The following EVI5 variants were observed in gnomAD, a reference collection of about 807,000 sequenced individuals.
EVI5 encodes ecotropic viral integration site 5 protein homolog.
A neutral mutation model predicts 112.0 loss-of-function variants in EVI5; 73 were observed. That is an observed-to-expected ratio of 0.65 (90% CI 0.54 to 0.79). The LOEUF (loss-of-function observed/expected upper bound fraction) is 0.79, where lower values mean the gene tolerates loss of function less well. EVI5 is among the 30% of genes least tolerant of loss of function. The probability of loss-of-function intolerance (pLI) is 0.00; values close to 1 mark genes in which losing one functional copy is unlikely to be tolerated. For synonymous variants in EVI5, 305 were observed against 319.9 expected, an observed-to-expected ratio of 0.95 and a Z score of 0.50; for missense variants, 900 against 968.8, an observed-to-expected ratio of 0.93 and a Z score of 0.94.
At chr1:92,592,212 CGGCCTAGGTGACAG>C (rs1674075123) in intron 18 of EVI5, among the ~76,000 whole-genome samples, 1 of 152,156 alleles carries the variant, frequency 6.6e-6, no homozygotes, top group Non-Finnish European at 1.5e-5. Flanking sequence ...CACTGCACTC[CGGCCTAGGTGACAG>C]AGCGAGACTC....
At chr1:92,589,234 C>T (rs1049653156) in intron 18 of EVI5, among the ~76,000 whole-genome samples, 3 of 152,128 alleles carry the variant, frequency 2.0e-5, no homozygotes, top group Non-Finnish European at 4.4e-5. Context: ...TGAGGTACTG[C>T]GTTCATCTCA....
intron 1 of EVI5, among the ~76,000 whole-genome samples, chr1:92,775,846 C>T (rs1176460743): frequency 2.6e-5 from 4 of 152,158 alleles, no homozygotes; most frequent in Admixed American, 1.3e-4. Flanking sequence ...CGGTGGCTCA[C>T]GCCTGTAATC....
In EVI5 at chr1:92,552,987, A is replaced by T. The variant is rs533381786; in HGVS notation, c.2166+10655T>A. Among the ~76,000 whole-genome samples the T allele has an allele frequency of 4.8e-3, 713 of 148,774 alleles. 4 individuals are homozygous for T. The highest frequency in any genetic ancestry group is 0.015 in the South Asian group (69 of 4,708). ...CACATGTTTTCATTAACAAGTTAAA[A>T]TTTTTTTTTTTACCCATTGCAGGAA... On this transcript the variant is annotated intron_variant, in intron 19 of 19. Coordinates refer to ENST00000684568, the MANE Select transcript of EVI5 (RefSeq NM_001350197.2).
chr1:92,605,407 T>C lies in EVI5; in HGVS notation c.1975-5A>G. 6.3e-7 allele frequency: 1 copy of C among 1,597,770 alleles called. No homozygotes were observed. The highest frequency in any genetic ancestry group is 8.6e-7 in the Non-Finnish European group (1 of 1,165,974). ...AGCCATCACTTCTTCCTTATTCTAG[T>C]GTGGTAAACCAAACCGAAACAAAAT... On this transcript the variant is annotated splice_region_variant and splice_polypyrimidine_tract_variant and intron_variant, in intron 17 of 19. Transcript: ENST00000684568.
chr1:92,743,428 C>A (rs1045297775), intron 1 of EVI5, among the ~76,000 whole-genome samples: 1 of 151,842 alleles, frequency 6.6e-6, no homozygotes, highest in African/African-American at 2.4e-5. Context: ...GTGAAAAAAG[C>A]CAGCCATAAA....
intron 18 of EVI5, among the ~76,000 whole-genome samples, chr1:92,603,463 A>C (rs1649627243): frequency 6.6e-6 from 1 of 152,214 alleles, no homozygotes; most frequent in Non-Finnish European, 1.5e-5. Flanking sequence ...TCAATGAATG[A>C]ACAGATAAAA....
chr1:92,604,075 C>T (rs943637118), intron 18 of EVI5, among the ~76,000 whole-genome samples: 1 of 151,828 alleles, frequency 6.6e-6, no homozygotes, highest in Non-Finnish European at 1.5e-5. Context: ...TAAGGCTGGG[C>T]GCAGTGGCTC....
At chr1:92,661,468 G>C (rs987690405) in intron 13 of EVI5, among the ~76,000 whole-genome samples, 3 of 151,976 alleles carry the variant, frequency 2.0e-5, no homozygotes, top group Non-Finnish European at 4.4e-5. Context: ...TATGACTGTA[G>C]CTTATGCTAA....
intron 9 of EVI5, among the ~76,000 whole-genome samples, chr1:92,683,499 G>A (rs546469850): frequency 7.2e-5 from 11 of 152,180 alleles, no homozygotes; most frequent in African/African-American, 1.9e-4. Context: ...GCACCTCTTC[G>A]CCTCCAAAGG....
chr1:92,565,873 G>A (rs1480234987), intron 18 of EVI5, among the ~76,000 whole-genome samples: 3 of 140,838 alleles, frequency 2.1e-5, no homozygotes, highest in Non-Finnish European at 3.0e-5. Flanking sequence ...AGGAGGCTGA[G>A]GCAGGAGAAT....
At chr1:92,550,785 T>A (rs1371001906) in intron 19 of EVI5, among the ~76,000 whole-genome samples, 99 of 54,960 alleles carry the variant, frequency 1.8e-3, no homozygotes, top group Non-Finnish European at 2.2e-3. Flanking sequence ...AAAAAAAATA[T>A]ATATATATAT....
intron 4 of EVI5, among the ~76,000 whole-genome samples, chr1:92,702,999 C>G (rs974817054): frequency 2.6e-5 from 4 of 152,046 alleles, no homozygotes; most frequent in Non-Finnish European, 5.9e-5. Flanking sequence ...GTACACCTTT[C>G]AAGGGCTAAG....
intron 18 of EVI5, among the ~76,000 whole-genome samples, chr1:92,575,194 A>G (rs1170566624): frequency 6.6e-6 from 1 of 152,218 alleles, no homozygotes; most frequent in Non-Finnish European, 1.5e-5. Flanking sequence ...CTTCAGCTAT[A>G]TTCACCAATT....
chr1:92,607,591 A>G lies in EVI5; in HGVS notation c.1964T>C (p.Ile655Thr). The G allele has an allele frequency of 6.3e-7, 1 of 1,578,160 alleles. No homozygotes were observed. Residue 655 changes from isoleucine (I) to threonine (T), a missense_variant, in exon 17 of 20, where the codon ATT becomes ACT. Transcript: ENST00000684568. ...AGTTGACATATTTACCTTGCATTCA[A>G]TCTCTGCTTGTTTACGCTTTGCTTC... ...LSEAKRKQAE[I>T]ECKNKEEVMA...
At chr1:92,606,924 C>CACACACACACACACA (rs1557886813) in intron 17 of EVI5, among the ~76,000 whole-genome samples, 3 of 91,402 alleles carry the variant, frequency 3.3e-5, no homozygotes, top group African/African-American at 1.1e-4. Context: ...ACACACACAC[C>CACACACACACACACA]CCCCCAAACC....
In EVI5 at chr1:92,510,890, C is replaced by G. The variant is rs1659146953; in HGVS notation, c.*2766G>C. 1 of 152,312 alleles carries G rather than the reference C, an allele frequency of 6.6e-6. No individual in the cohort carries two copies. The highest frequency in any genetic ancestry group is 1.5e-5 in the Non-Finnish European group (1 of 68,036). The allele number at this position is 152,312 out of a possible 1,614,324, so 9.4% of individuals were successfully genotyped here. ...AGGCTGCACTTTGCTGACCCCTGGTCCAGATCATTCAGATTTCTTGATGTG... is the reference window on the plus strand; with the variant it reads ...AGGCTGCACTTTGCTGACCCCTGGTGCAGATCATTCAGATTTCTTGATGTG... On this transcript the variant is annotated 3_prime_UTR_variant, in exon 20 of 20. Coordinates refer to ENST00000684568, the MANE Select transcript of EVI5 (RefSeq NM_001350197.2).
chr1:92,632,978 T>C (rs899740732), intron 14 of EVI5, among the ~76,000 whole-genome samples: 1 of 152,062 alleles, frequency 6.6e-6, no homozygotes, highest in African/African-American at 2.4e-5. Flanking sequence ...ATGCAGTTGA[T>C]CGGTTTTGAG....
chr1:92,528,279 G>A (rs556019889), intron 19 of EVI5, among the ~76,000 whole-genome samples: 31 of 152,176 alleles, frequency 2.0e-4, no homozygotes, highest in Admixed American at 7.2e-4. Flanking sequence ...AAATGGCTTC[G>A]CAGTATCGAC....
intron 1 of EVI5, among the ~76,000 whole-genome samples, chr1:92,739,644 C>A (rs1678044205): frequency 6.6e-6 from 1 of 151,970 alleles, no homozygotes; most frequent in African/African-American, 2.4e-5. Flanking sequence ...CATACTATTA[C>A]AATAGTTGAA....
Sources: allele counts gnomAD v4.1 joint callset (sites outside exome capture counted in the v4.1 genomes callset), GRCh38; gene constraint gnomAD v4.1.1; transcripts MANE v1.5; gene names NCBI Gene and HGNC (gene_info 2026-07-23, HGNC 2026-07-21).